CAMKMT: variants seen among roughly 807,000 people sequenced by gnomAD.
CAMKMT encodes CaM KMT.
A neutral mutation model predicts 48.0 loss-of-function variants in CAMKMT; 53 were observed. That is an observed-to-expected ratio of 1.10 (90% CI 0.89 to 1.39). The LOEUF is 1.39. CAMKMT is among the 40% of genes most tolerant of loss of function. The probability of loss-of-function intolerance (pLI) is 0.00; values close to 1 mark genes in which losing one functional copy is unlikely to be tolerated. For missense variants in CAMKMT, 428 were observed against 402.7 expected (o/e 1.06, Z -0.54); for synonymous variants, 165 against 152.3 (o/e 1.08, Z -0.61).
At chr2:44,423,868 C>A (rs1684092571) in intron 3 of CAMKMT, among the ~76,000 whole-genome samples, 1 of 152,162 alleles carries the variant, frequency 6.6e-6, no homozygotes, top group Non-Finnish European at 1.5e-5. Context: ...AGTCTTCTGG[C>A]AGTTATTTCC....
At chr2:44,379,502 GC>G (rs1680029175) in intron 2 of CAMKMT, among the ~76,000 whole-genome samples, 1 of 152,064 alleles carries the variant, frequency 6.6e-6, no homozygotes, top group Non-Finnish European at 1.5e-5. Context: ...TTTTCATAGG[GC>G]TGTACCATTT....
chr2:44,612,272 A>G (rs571611152), intron 3 of CAMKMT, among the ~76,000 whole-genome samples: 12 of 152,320 alleles, frequency 7.9e-5, no homozygotes, highest in Non-Finnish European at 1.0e-4. Context: ...ACCAGCATAT[A>G]TTGCTGTCTT....
intron 3 of CAMKMT, among the ~76,000 whole-genome samples, chr2:44,678,482 T>C (rs943572645): frequency 5.9e-5 from 9 of 152,232 alleles, no homozygotes; most frequent in African/African-American, 1.4e-4. Flanking sequence ...GGTTCAGGCA[T>C]ATCTAAAATG....
chr2:44,508,713 A>G (rs1670384659), intron 3 of CAMKMT, among the ~76,000 whole-genome samples: 1 of 152,240 alleles, frequency 6.6e-6, no homozygotes, highest in East Asian at 1.9e-4. Context: ...TATGATAAAT[A>G]TAAGTAATCT....
intron 3 of CAMKMT, among the ~76,000 whole-genome samples, chr2:44,652,431 C>T (rs181407391): frequency 6.6e-6 from 1 of 152,318 alleles, no homozygotes; most frequent in East Asian, 1.9e-4. Flanking sequence ...CAAGGGAACA[C>T]AGGTGCTGAC....
chr2:44,430,878 G>C (rs1684609540), intron 3 of CAMKMT, among the ~76,000 whole-genome samples: 1 of 152,288 alleles, frequency 6.6e-6, no homozygotes, highest in Admixed American at 6.5e-5. Flanking sequence ...AAGATAGGAA[G>C]TTGTAATGTT....
chr2:44,478,341 G>A (rs1314846164), intron 3 of CAMKMT, among the ~76,000 whole-genome samples: 1 of 152,048 alleles, frequency 6.6e-6, no homozygotes, highest in Non-Finnish European at 1.5e-5. Flanking sequence ...ACAGATATAG[G>A]TTTAGAGTTT....
chr2:44,771,940 G>T, intron 10 of CAMKMT, 96 bp from the exon 11 acceptor site: 10 of 720,180 alleles, frequency 1.4e-5, no homozygotes, highest in Admixed American at 5.0e-5. Context: ...TATATATTTT[G>T]GTGTAAAAGT....
chr2:44,393,782 A>G (rs1681572980), intron 3 of CAMKMT, among the ~76,000 whole-genome samples: 1 of 152,194 alleles, frequency 6.6e-6, no homozygotes, highest in South Asian at 2.1e-4. Flanking sequence ...GCATTGTAGC[A>G]GATTTCTTGC....
chr2:44,595,071 T>A (rs1241289133), intron 3 of CAMKMT, among the ~76,000 whole-genome samples: 6 of 152,146 alleles, frequency 3.9e-5, no homozygotes, highest in Non-Finnish European at 5.9e-5. Context: ...TCACTGTTCA[T>A]TAGAGAAATG....
chr2:44,640,720 C>G (rs1411227655), intron 3 of CAMKMT, among the ~76,000 whole-genome samples: 1 of 152,096 alleles, frequency 6.6e-6, no homozygotes, highest in South Asian at 2.1e-4. Flanking sequence ...GTTATTCAAC[C>G]AAGTTTCTTT....
intron 3 of CAMKMT, among the ~76,000 whole-genome samples, chr2:44,586,475 C>A (rs1345368516): frequency 6.6e-6 from 1 of 152,142 alleles, no homozygotes; most frequent in Non-Finnish European, 1.5e-5. Context: ...CTTTCTCTCA[C>A]TATAGATTCA....
chr2:44,684,541 G>C (rs1468241104), intron 3 of CAMKMT, among the ~76,000 whole-genome samples: 1 of 151,682 alleles, frequency 6.6e-6, no homozygotes, highest in African/African-American at 2.4e-5. Context: ...GTCACTTAAA[G>C]CGTCCATTCT....
intron 3 of CAMKMT, among the ~76,000 whole-genome samples, chr2:44,538,381 AAAAAG>A (rs980150706): frequency 1.3e-5 from 2 of 151,814 alleles, no homozygotes; most frequent in Admixed American, 6.6e-5. Context: ...AACAAAAAAA[AAAAAG>A]AAAAGAAAAG....
chr2:44,571,169 A>G (rs1179048223), intron 3 of CAMKMT, among the ~76,000 whole-genome samples: 2 of 152,168 alleles, frequency 1.3e-5, no homozygotes, highest in Non-Finnish European at 2.9e-5. Context: ...CGTTTTTACC[A>G]ATGTAAGGGA....
intron 3 of CAMKMT, among the ~76,000 whole-genome samples, chr2:44,423,156 G>C (rs564456179): frequency 6.8e-6 from 1 of 147,396 alleles, no homozygotes; most frequent in East Asian, 2.0e-4. Context: ...CACAGATTCA[G>C]ACATCAGGAC....
At position 44,370,894 on chromosome 2, in the gene CAMKMT, T is replaced by A. The variant is rs1679107568; in HGVS notation, c.139-1822T>A. Among the ~76,000 whole-genome samples, 12 of 152,338 alleles carry A rather than the reference T, an allele frequency of 7.9e-5. No individual in the cohort carries two copies. The South Asian group carries it at 2.3e-3, about 29-fold the overall frequency. On this transcript the variant is annotated intron_variant, in intron 1 of 10. Transcript: ENST00000378494. Reference sequence around the variant, plus strand: ...GGCTTCATCATTGCTCACTACAACCTCAAACTCCTATGCTCAAGCAATCCT... The same window carrying A: ...GGCTTCATCATTGCTCACTACAACCACAAACTCCTATGCTCAAGCAATCCT...
chr2:44,749,962 A>C (rs535553259), intron 8 of CAMKMT, among the ~76,000 whole-genome samples: 23 of 152,296 alleles, frequency 1.5e-4, no homozygotes, highest in African/African-American at 5.3e-4. Context: ...GGCCTTACTT[A>C]GGCCCCTCAT....
chr2:44,503,984 G>GGGGAGAGA (rs1553404272), intron 3 of CAMKMT, among the ~76,000 whole-genome samples: 3 of 142,688 alleles, frequency 2.1e-5, no homozygotes, highest in African/African-American at 8.0e-5. Context: ...GAGCGGGTGG[G>GGGGAGAGA]GAGAGAGAGA....
Sources: gnomAD v4.1 joint callset for allele counts (sites outside exome capture counted in the v4.1 genomes callset) on GRCh38, gnomAD v4.1.1 for gene constraint, MANE v1.5 for transcripts, NCBI Gene and HGNC (gene_info 2026-07-23, HGNC 2026-07-21) for gene names.